MON2: variants seen among roughly 807,000 people sequenced by gnomAD.
The protein encoded by MON2 is protein MON2 homolog.
Under a neutral mutation model 208.6 loss-of-function variants are expected in MON2, and 84 were observed. The ratio of observed to expected loss-of-function variants is 0.40; its 90% CI spans 0.34 to 0.48. The LOEUF (loss-of-function observed/expected upper bound fraction) is 0.48, where lower values mean the gene tolerates loss of function less well. Among genes scored for constraint, MON2 ranks in the 20% least tolerant of loss-of-function variants. The pLI, the probability that MON2 is intolerant of heterozygous loss-of-function variation, is 0.59. For missense variants in MON2, 1,611 were observed against 2,015.4 expected (o/e 0.80, Z 3.84); for synonymous variants, 660 against 694.0 (o/e 0.95, Z 0.77).
At chr12:62,573,451 G>T in intron 30 of MON2, among the ~76,000 whole-genome samples, 1 of 149,060 alleles carries the variant, frequency 6.7e-6, no homozygotes, top group African/African-American at 2.5e-5. Context: ...TCCCTAGCAA[G>T]GTGTGGTGAC....
intron 29 of MON2, among the ~76,000 whole-genome samples, chr12:62,566,782 T>C (rs2074400532): frequency 6.6e-6 from 1 of 151,492 alleles, no homozygotes; most frequent in Non-Finnish European, 1.5e-5. Context: ...AGATACCTAA[T>C]GTAAATGATG....
chr12:62,504,670 T>C (rs1239921785), intron 7 of MON2, among the ~76,000 whole-genome samples: 1 of 140,610 alleles, frequency 7.1e-6, no homozygotes, highest in Non-Finnish European at 1.6e-5. Flanking sequence ...CTTCCAGAGA[T>C]ACGTATTTGT....
At chr12:62,475,695 AC>A (rs2069038090) in intron 1 of MON2, among the ~76,000 whole-genome samples, 1 of 145,308 alleles carries the variant, frequency 6.9e-6, no homozygotes, top group Non-Finnish European at 1.5e-5. Flanking sequence ...GAGCCACCAC[AC>A]CCATCCTCCT....
At chr12:62,478,803 T>C (rs928606435) in intron 1 of MON2, among the ~76,000 whole-genome samples, 2 of 152,138 alleles carry the variant, frequency 1.3e-5, no homozygotes, top group African/African-American at 4.8e-5. Context: ...GAGGACATGA[T>C]TGTAGGTAGA....
At chr12:62,485,408 T>G (rs574340458) in intron 2 of MON2, among the ~76,000 whole-genome samples, 1 of 152,306 alleles carries the variant, frequency 6.6e-6, no homozygotes, top group East Asian at 1.9e-4. Context: ...GAAATGAAAT[T>G]AAGATTTTTG....
In MON2 at chr12:62,553,138, A is replaced by T. The variant is rs781003226; in HGVS notation, c.3174A>T (p.Leu1058Phe). Residue 1058 changes from leucine to phenylalanine, a missense_variant, in exon 24 of 35, where the codon TTA becomes TTT. Physicochemically the swap from Leu to Phe is conservative, Grantham distance 22. Transcript: ENST00000393630. Reference protein sequence around the residue: ...LFSTIGAHGTLLQHSTWHTVI... With the variant: ...LFSTIGAHGTFLQHSTWHTVI... ...CTACAATTGGTGCGCATGGAACTTTATTACAGCATTCAACCTGGCACACTG... is the reference window on the plus strand; with the variant it reads ...CTACAATTGGTGCGCATGGAACTTTTTTACAGCATTCAACCTGGCACACTG... The T allele has an allele frequency of 1.9e-6, 3 of 1,614,218 alleles. No homozygotes were observed.
intron 34 of MON2, chr12:62,589,009 A>G: frequency 1.4e-6 from 1 of 706,728 alleles, no homozygotes; most frequent in Non-Finnish European, 2.1e-6. Flanking sequence ...CATGTACATG[A>G]CTCATCTCCC....
intron 2 of MON2, among the ~76,000 whole-genome samples, chr12:62,491,844 G>A (rs1010540755): frequency 2.0e-5 from 3 of 152,334 alleles, no homozygotes; most frequent in African/African-American, 7.2e-5. Context: ...GGAGTGTTCA[G>A]CAGAGATAGG....
In MON2 at chr12:62,594,057, A is replaced by C. The variant is rs778511256; in HGVS notation, c.*1308A>C. The C allele has an allele frequency of 6.6e-6, 1 of 152,126 alleles. No homozygotes were observed. Among genetic ancestry groups the C allele is most frequent in the Non-Finnish European group, 1.5e-5 (1 of 67,956 alleles). The allele number at this position is 152,126 out of a possible 1,614,324, so 9.4% of individuals were successfully genotyped here. ...TTTGACCTAGCTCACTGTATTTTTTATTTAATGGATTATGGATTACAGTAT... is the reference window on the plus strand; with the variant it reads ...TTTGACCTAGCTCACTGTATTTTTTCTTTAATGGATTATGGATTACAGTAT... On this transcript the variant is annotated 3_prime_UTR_variant, in exon 35 of 35. Coordinates refer to ENST00000393630, the MANE Select transcript of MON2 (RefSeq NM_015026.3).
intron 30 of MON2, among the ~76,000 whole-genome samples, chr12:62,575,657 C>T (rs1014741697): frequency 6.6e-6 from 1 of 152,038 alleles, no homozygotes; most frequent in Admixed American, 6.6e-5. Context: ...TTTTGATCTG[C>T]AAGATGCTTT....
chr12:62,525,106 A>G lies in MON2; in HGVS notation c.1132A>G (p.Met378Val). ...CAGGTCATTTTGTCAGTCCTATGAT[A>G]TGAAACAGCATTCTACCAAGGTTTT... Reference protein sequence around the residue: ...LLRSFCQSYDMKQHSTKVFRD... With the variant: ...LLRSFCQSYDVKQHSTKVFRD... Residue 378 changes from methionine to valine, a missense_variant, in exon 10 of 35, where the codon ATG becomes GTG. Transcript: ENST00000393630. The G allele has an allele frequency of 1.2e-6, 2 of 1,610,960 alleles. No individual in the cohort carries two copies. The highest frequency in any genetic ancestry group is 1.7e-6 in the Non-Finnish European group (2 of 1,177,274).
chr12:62,535,126 A>C (rs2072907964), intron 13 of MON2, among the ~76,000 whole-genome samples, 200 bp downstream of exon 13: 1 of 152,130 alleles, frequency 6.6e-6, no homozygotes, highest in Admixed American at 6.5e-5. Context: ...ATGATGTTTT[A>C]ATGGAAAATA....
At chr12:62,502,620 A>G (rs1249863450) in intron 7 of MON2, among the ~76,000 whole-genome samples, 95 of 152,196 alleles carry the variant, frequency 6.2e-4, no homozygotes, top group Admixed American at 6.2e-3. Context: ...AGCTACTTGT[A>G]TAATATTTAA....
At chr12:62,484,401 G>A (rs1412481518) in intron 2 of MON2, among the ~76,000 whole-genome samples, 168 bp downstream of exon 2, 3 of 152,156 alleles carry the variant, frequency 2.0e-5, no homozygotes, top group African/African-American at 7.2e-5. Context: ...CTTATGAACT[G>A]ACTGTATTTC....
chr12:62,588,432 A>G (rs898677269), intron 34 of MON2, among the ~76,000 whole-genome samples: 2 of 151,794 alleles, frequency 1.3e-5, no homozygotes, highest in Admixed American at 6.6e-5. Context: ...TCCATATTTC[A>G]TATATTTTTA....
At chr12:62,468,640 A>G (rs2068628184) in intron 1 of MON2, among the ~76,000 whole-genome samples, 2 of 152,174 alleles carry the variant, frequency 1.3e-5, no homozygotes, top group Non-Finnish European at 2.9e-5. Flanking sequence ...GATGGCTGTT[A>G]CGATATGTTT....
intron 19 of MON2, among the ~76,000 whole-genome samples, 193 bp downstream of exon 19, chr12:62,538,698 A>G (rs1171986378): frequency 1.4e-4 from 22 of 152,188 alleles, no homozygotes; most frequent in Admixed American, 7.2e-4. Flanking sequence ...TGATATGTCT[A>G]AATATGTCAT....
chr12:62,537,243 C>G lies in MON2; in HGVS notation c.1993C>G (p.Gln665Glu), dbSNP rs749325020. The G allele has an allele frequency of 6.2e-7, 1 of 1,608,664 alleles. No homozygotes were observed. The highest frequency in any genetic ancestry group is 1.1e-5 in the South Asian group (1 of 90,864). ...GGCAGTGGGTCAACCTTTAGCAGTC[C>G]AGCCTCAAGGGACAGTAATGGTAAT... ...VVAVGQPLAVQPQGTVMLTSK... is the reference protein window; with the variant it reads ...VVAVGQPLAVEPQGTVMLTSK... Residue 665 changes from glutamine to glutamate, a missense_variant, in exon 15 of 35, where the codon CAG becomes GAG. Transcript: ENST00000393630.
chr12:62,471,308 G>C (rs1216743990), intron 1 of MON2, among the ~76,000 whole-genome samples: 3 of 152,150 alleles, frequency 2.0e-5, no homozygotes, highest in Non-Finnish European at 2.9e-5. Flanking sequence ...TCAGCCTCCT[G>C]AGTACCTGGG....
Sources: gnomAD v4.1 joint callset for allele counts (sites outside exome capture counted in the v4.1 genomes callset) on GRCh38, gnomAD v4.1.1 for gene constraint, MANE v1.5 for transcripts, NCBI Gene and HGNC (gene_info 2026-07-23, HGNC 2026-07-21) for gene names.